Variants in NRXN1 observed in about 807,000 individuals in gnomAD.
NRXN1 encodes the protein neurexin-1.
In NRXN1, 39 loss-of-function variants were observed where a neutral mutation model predicts 150.9. That is an observed-to-expected ratio of 0.26 (90% CI 0.20 to 0.34). NRXN1 has a LOEUF of 0.34. Ranked by LOEUF, NRXN1 falls within the 10% of genes least tolerant of loss-of-function variation. NRXN1 has a pLI of 1.00. For synonymous variants in NRXN1, 924 were observed against 757.0 expected (o/e 1.22, Z -3.62); for missense variants, 1,815 against 1,949.9 (o/e 0.93, Z 1.30).
At chr2:50,181,733 A>C (rs915882146) in intron 18 of NRXN1, among the ~76,000 whole-genome samples, 35 of 152,238 alleles carry the variant, frequency 2.3e-4, no homozygotes, top group African/African-American at 8.4e-4. Context: ...GGATAAGAAA[A>C]ACATTTTCAA....
At chr2:50,511,781 G>C (rs1361211693) in intron 12 of NRXN1, among the ~76,000 whole-genome samples, 3 of 152,088 alleles carry the variant, frequency 2.0e-5, no homozygotes. Context: ...GTGTGTGAGA[G>C]GGATAGAGAG....
chr2:50,238,266 T>C (rs1309915083), intron 17 of NRXN1, among the ~76,000 whole-genome samples: 2 of 152,028 alleles, frequency 1.3e-5, no homozygotes, highest in Non-Finnish European at 2.9e-5. Flanking sequence ...ATTTTCCCTC[T>C]GTCTTCTTCT....
At chr2:49,934,571 T>G (rs1361765164) in intron 22 of NRXN1, among the ~76,000 whole-genome samples, 1 of 152,162 alleles carries the variant, frequency 6.6e-6, no homozygotes, top group African/African-American at 2.4e-5. Flanking sequence ...ATGCAATAGC[T>G]AAGGTGAAAG....
intron 17 of NRXN1, among the ~76,000 whole-genome samples, chr2:50,242,327 G>C (rs2066078449): frequency 6.6e-6 from 1 of 151,770 alleles, no homozygotes; most frequent in South Asian, 2.1e-4. Flanking sequence ...GCACAGAGAA[G>C]ACCACATTGT....
intron 5 of NRXN1, among the ~76,000 whole-genome samples, chr2:50,690,450 T>A (rs1294490513): frequency 6.6e-6 from 1 of 152,170 alleles, no homozygotes; most frequent in African/African-American, 2.4e-5. Flanking sequence ...AAATGTCGAA[T>A]TCTCTAATCC....
At chr2:49,924,051 C>T (rs1283854804) in intron 22 of NRXN1, among the ~76,000 whole-genome samples, 1 of 152,184 alleles carries the variant, frequency 6.6e-6, no homozygotes, top group Non-Finnish European at 1.5e-5. Context: ...CTGTCACTAC[C>T]TGACAAACCA....
At chr2:50,354,045 A>G (rs1454886794) in intron 17 of NRXN1, among the ~76,000 whole-genome samples, 1 of 152,110 alleles carries the variant, frequency 6.6e-6, no homozygotes, top group Non-Finnish European at 1.5e-5. Flanking sequence ...TTTCTCATTA[A>G]GCTCCTTACC....
intron 5 of NRXN1, among the ~76,000 whole-genome samples, chr2:50,656,184 T>G (rs1686430703): frequency 6.6e-6 from 1 of 151,926 alleles, no homozygotes; most frequent in South Asian, 2.1e-4. Context: ...CATACACCAC[T>G]TCACCCCCTG....
intron 5 of NRXN1, among the ~76,000 whole-genome samples, chr2:50,810,780 G>A (rs1363700103): frequency 3.3e-5 from 5 of 152,146 alleles, no homozygotes; most frequent in Admixed American, 2.6e-4. Flanking sequence ...AGGAGATGAA[G>A]ACCATCCTGG....
intron 2 of NRXN1, among the ~76,000 whole-genome samples, chr2:50,941,032 T>C (rs907880987): frequency 6.6e-6 from 1 of 152,146 alleles, no homozygotes; most frequent in Non-Finnish European, 1.5e-5. Context: ...AGGTGCAAAC[T>C]TCCCCCTTGC....
intron 18 of NRXN1, among the ~76,000 whole-genome samples, chr2:50,126,360 G>A (rs1053396955): frequency 2.6e-5 from 4 of 151,856 alleles, no homozygotes; most frequent in South Asian, 2.1e-4. Context: ...TGTTTAAGTC[G>A]TGGGTACAGG....
intron 18 of NRXN1, among the ~76,000 whole-genome samples, chr2:50,106,778 CAAGA>C (rs1305893251): frequency 6.6e-6 from 1 of 151,764 alleles, no homozygotes; most frequent in East Asian, 1.9e-4. Context: ...AAAGATTTTT[CAAGA>C]AAGATTTATA....
chr2:50,139,582 G>A (rs886704419), intron 18 of NRXN1, among the ~76,000 whole-genome samples: 2 of 151,918 alleles, frequency 1.3e-5, no homozygotes, highest in African/African-American at 4.8e-5. Context: ...GTAACATCAA[G>A]CATTTTAAAA....
chr2:50,882,929 T>C (rs997599515), intron 5 of NRXN1, among the ~76,000 whole-genome samples: 1 of 151,832 alleles, frequency 6.6e-6, no homozygotes, highest in Non-Finnish European at 1.5e-5. Context: ...AAAGAAAACA[T>C]ATATATTTTT....
intron 21 of NRXN1, among the ~76,000 whole-genome samples, chr2:49,960,449 C>T (rs999009232): frequency 6.6e-6 from 1 of 152,132 alleles, no homozygotes; most frequent in African/African-American, 2.4e-5. Context: ...ATCATTTTCA[C>T]CATTGTTGCA....
intron 18 of NRXN1, among the ~76,000 whole-genome samples, chr2:50,099,834 G>C (rs1249360879): frequency 5.9e-5 from 9 of 152,132 alleles, no homozygotes; most frequent in Non-Finnish European, 1.2e-4. Flanking sequence ...TGGATCAAGA[G>C]AGGATATTCT....
chr2:50,519,700 A>G (rs1431491339), intron 12 of NRXN1, among the ~76,000 whole-genome samples: 1 of 151,942 alleles, frequency 6.6e-6, no homozygotes, highest in African/African-American at 2.4e-5. Flanking sequence ...ATACTAACAC[A>G]TCTAGAAGCA....
intron 5 of NRXN1, chr2:50,919,420 CAGTT>C (rs967352139): frequency 2.0e-5 from 3 of 151,660 alleles, no homozygotes; most frequent in African/African-American, 4.8e-5. Flanking sequence ...GACATTTAAA[CAGTT>C]AGAAAATATT....
At chr2:50,169,916 G>A (rs549905916) in intron 18 of NRXN1, among the ~76,000 whole-genome samples, 8 of 151,998 alleles carry the variant, frequency 5.3e-5, no homozygotes, top group African/African-American at 1.9e-4. Context: ...GCACTGGAGA[G>A]GTGAACTAGG....
Sources: allele counts gnomAD v4.1 joint callset (sites outside exome capture counted in the v4.1 genomes callset), GRCh38; gene constraint gnomAD v4.1.1; transcripts MANE v1.5; gene names NCBI Gene and HGNC (gene_info 2026-07-23, HGNC 2026-07-21).